Variants in CALM3 observed in about 807,000 individuals in gnomAD.
CALM3 encodes calmodulin 3, also known as calmodulin-3.
A neutral mutation model predicts 20.1 loss-of-function variants in CALM3; 5 were observed. The observed-to-expected ratio is 0.25, with a 90% confidence interval of 0.13 to 0.52. The LOEUF (loss-of-function observed/expected upper bound fraction) is 0.52. Among genes scored for constraint, CALM3 ranks in the 20% least tolerant of loss-of-function variants. CALM3 has a pLI of 0.96. For synonymous variants in CALM3, 69 were observed against 68.1 expected (o/e 1.01, Z -0.06); for missense variants, 57 against 192.8 (o/e 0.30, Z 4.17).
intron 1 of CALM3, among the ~76,000 whole-genome samples, chr19:46,602,386 G>T (rs1003175970): frequency 2.0e-5 from 3 of 150,848 alleles, no homozygotes; most frequent in Admixed American, 2.0e-4. Flanking sequence ...GATTTCCAAG[G>T]TGAGGGGTGG....
Position 46,610,482 on chromosome 19 carries a change from C to A in CALM3, c.*1329C>A. 1 of 143,560 alleles carries A rather than the reference C, an allele frequency of 7.0e-6. No homozygotes were observed. The highest frequency in any genetic ancestry group is 2.2e-4 in the East Asian group (1 of 4,526). 8.9% of individuals were successfully genotyped at this position (143,560 alleles called of 1,614,324 possible). On this transcript the variant is annotated 3_prime_UTR_variant, in exon 6 of 6. Transcript: ENST00000291295. ...TCCCCCCACCACCTCCCCACCCCAC[C>A]CCCCACCCCCTGCTTCCCCTCACTG...
At chr19:46,602,863 C>T (rs1971661349) in intron 1 of CALM3, among the ~76,000 whole-genome samples, 1 of 152,158 alleles carries the variant, frequency 6.6e-6, no homozygotes, top group South Asian at 2.1e-4. Context: ...TCACTTGTGC[C>T]AAATGACAGT....
In CALM3 at chr19:46,608,050, T is replaced by C. The variant is rs1220455194; in HGVS notation, c.35-147T>C. On this transcript the variant is annotated intron_variant, in intron 2 of 5. Coordinates refer to ENST00000291295, the MANE Select transcript of CALM3 (RefSeq NM_005184.4). This position sits in a 1 kb window ranked among gnomAD's most constrained non-coding sequence, Gnocchi z 5.5. ...GCCCTGAGCACTGAGGAGAGAGAGC[T>C]GGTTGCGTGGGACTTGAAGTCTGTC... The C allele has an allele frequency of 4.3e-6, 3 of 701,464 alleles. No homozygotes were observed. Among genetic ancestry groups the C allele is most frequent in the Non-Finnish European group, 7.3e-6 (3 of 412,148 alleles). 43.5% of individuals were successfully genotyped at this position (701,464 alleles called of 1,614,324 possible). A position where few individuals can be genotyped will look rare whatever the true frequency, so the allele number is the denominator to read the frequency against.
rs991763156 is a variant in CALM3 at position 46,601,408 on chromosome 19, C to T, written c.-27C>T. The T allele has an allele frequency of 9.3e-6, 14 of 1,507,866 alleles. No individual in the cohort carries two copies. In the African/African-American group the frequency reaches 1.4e-4, roughly 16 times the overall value. The allele number at this position is 1,507,866 out of a possible 1,614,324, so 93.4% of individuals were successfully genotyped here. On this transcript the variant is annotated 5_prime_UTR_variant, in exon 1 of 6. Transcript: ENST00000291295. This position sits in a 1 kb window ranked among gnomAD's most constrained non-coding sequence, Gnocchi z 4.2. ...CCGCCGCCGGAGGAACCTTGATCCC[C>T]GTGCTCCGGACACCCCGGGCCTCGC... is the stretch of plus-strand genomic sequence containing the variant.
upstream of CALM3, chr19:46,601,295 G>GGGAGGCGGC (rs1971607202): frequency 4.2e-6 from 3 of 708,434 alleles, no homozygotes; most frequent in Admixed American, 5.1e-5. The surrounding 1 kb of genome is among the most constrained non-coding windows in gnomAD (Gnocchi z 4.2). Flanking sequence ...CCGTTGGGGC[G>GGGAGGCGGC]GGAGGCGGCG....
intron 1 of CALM3, chr19:46,602,754 C>T (rs1409869835): frequency 1.8e-5 from 3 of 166,298 alleles, no homozygotes; most frequent in Non-Finnish European, 4.0e-5. Flanking sequence ...AGAAGCCTCA[C>T]TCTGTCGCTG....
At position 46,609,298 on chromosome 19, in the gene CALM3, T is replaced by C; in HGVS notation, c.*145T>C. 1 of 759,316 alleles carries C rather than the reference T, an allele frequency of 1.3e-6. No individual in the cohort carries two copies. The highest frequency in any genetic ancestry group is 1.6e-5 in the South Asian group (1 of 61,290). The allele number at this position is 759,316 out of a possible 1,614,324, so 47.0% of individuals were successfully genotyped here. A position where few individuals can be genotyped will look rare whatever the true frequency, so the allele number is the denominator to read the frequency against. ...GAATCTGATAAAGCAACAAAAGATT[T>C]GTCCCAAGCTGCATGATTGCTCTTT... On this transcript the variant is annotated 3_prime_UTR_variant, in exon 6 of 6. Coordinates refer to ENST00000291295, the MANE Select transcript of CALM3 (RefSeq NM_005184.4).
intron 1 of CALM3, among the ~76,000 whole-genome samples, chr19:46,602,424 A>G (rs1971645925): frequency 8.5e-6 from 1 of 117,168 alleles, no homozygotes; most frequent in African/African-American, 3.4e-5. Flanking sequence ...GGTGGTTGGG[A>G]GGTGAGGTGG....
chr19:46,602,014 A>G lies in CALM3; in HGVS notation c.3+577A>G, dbSNP rs1971630335. On this transcript the variant is annotated intron_variant, in intron 1 of 5. Coordinates refer to ENST00000291295, the MANE Select transcript of CALM3 (RefSeq NM_005184.4). ...GGGTCAAGGATGGGCGGTCACTTCT[A>G]CAGATGAGACTCCCGAGGGTGGGGG... 6.9e-6 allele frequency: 7 copies of G among 1,009,690 alleles called. No homozygotes were observed. The South Asian group carries it at 1.0e-4, about 15-fold the overall frequency. 62.5% of individuals were successfully genotyped at this position (1,009,690 alleles called of 1,614,324 possible). A position where few individuals can be genotyped will look rare whatever the true frequency, so the allele number is the denominator to read the frequency against.
At chr19:46,604,209 G>C (rs1346921720) in intron 1 of CALM3, among the ~76,000 whole-genome samples, 1 of 152,058 alleles carries the variant, frequency 6.6e-6, no homozygotes, top group Admixed American at 6.6e-5. Flanking sequence ...CTTTCCCTAA[G>C]CCTCTTCCTC....
Position 46,601,413 on chromosome 19 carries a change from T to G in CALM3, c.-22T>G. ...GCCGGAGGAACCTTGATCCCCGTGC[T>G]CCGGACACCCCGGGCCTCGCCATGG... On this transcript the variant is annotated 5_prime_UTR_variant, in exon 1 of 6. Transcript: ENST00000291295. The surrounding 1 kb of genome is among the most constrained non-coding windows in gnomAD (Gnocchi z 4.2). The G allele has an allele frequency of 3.3e-6, 5 of 1,508,396 alleles. No homozygotes were observed. The highest frequency in any genetic ancestry group is 3.5e-6 in the Non-Finnish European group (4 of 1,130,964). 93.4% of individuals were successfully genotyped at this position (1,508,396 alleles called of 1,614,324 possible). A position where few individuals can be genotyped will look rare whatever the true frequency, so the allele number is the denominator to read the frequency against.
intron 1 of CALM3, among the ~76,000 whole-genome samples, chr19:46,604,920 T>C (rs1374760818): frequency 6.7e-6 from 1 of 150,322 alleles, no homozygotes; most frequent in Non-Finnish European, 1.5e-5. Flanking sequence ...ATAGGATCAC[T>C]ATGCCTGGCT....
At chr19:46,603,327 G>A (rs149988952) in intron 1 of CALM3, among the ~76,000 whole-genome samples, 10 of 152,370 alleles carry the variant, frequency 6.6e-5, no homozygotes, top group Admixed American at 1.3e-4. Context: ...GCCACAACTA[G>A]TTTCTCTTTC....
Position 46,607,417 on chromosome 19 carries a change from G to T in CALM3, c.35-780G>T, listed in dbSNP as rs541984490. Among the ~76,000 whole-genome samples the T allele has an allele frequency of 3.5e-3, 537 of 152,308 alleles. 7 individuals are homozygous for T. Among genetic ancestry groups the T allele is most frequent in the African/African-American group, 0.012 (513 of 41,576 alleles). On this transcript the variant is annotated intron_variant, in intron 2 of 5. Coordinates refer to ENST00000291295, the MANE Select transcript of CALM3 (RefSeq NM_005184.4). ...CGGACATCTGTTTTTGGAGGGCTTG[G>T]GGGTAGAGGAGCACCAGGTGCCAAA...
Position 46,601,385 on chromosome 19 carries a change from G to T in CALM3, c.-50G>T. Reference sequence around the variant, plus strand: ...AGCTGGAACTGCTGCAGCTGCTGCCGCCGCCGGAGGAACCTTGATCCCCGT... The same window carrying T: ...AGCTGGAACTGCTGCAGCTGCTGCCTCCGCCGGAGGAACCTTGATCCCCGT... On this transcript the variant is annotated 5_prime_UTR_variant, in exon 1 of 6. Transcript: ENST00000291295. This position sits in a 1 kb window ranked among gnomAD's most constrained non-coding sequence, Gnocchi z 4.2. The T allele has an allele frequency of 6.8e-7, 1 of 1,473,064 alleles. No homozygotes were observed. Among genetic ancestry groups the T allele is most frequent in the Non-Finnish European group, 9.0e-7 (1 of 1,111,100 alleles). The allele number at this position is 1,473,064 out of a possible 1,614,324, so 91.2% of individuals were successfully genotyped here.
At position 46,605,991 on chromosome 19, in the gene CALM3, T is replaced by A; in HGVS notation, c.34+134T>A. 1.3e-6 allele frequency: 1 copy of A among 781,150 alleles called. No individual in the cohort carries two copies. Among genetic ancestry groups the A allele is most frequent in the Non-Finnish European group, 2.2e-6 (1 of 457,418 alleles). The allele number at this position is 781,150 out of a possible 1,614,324, so 48.4% of individuals were successfully genotyped here. A position where few individuals can be genotyped will look rare whatever the true frequency, so the allele number is the denominator to read the frequency against. On this transcript the variant is annotated intron_variant, in intron 2 of 5. Transcript: ENST00000291295. This position sits in a 1 kb window ranked among gnomAD's most constrained non-coding sequence, Gnocchi z 4.1. Reference sequence around the variant, plus strand: ...GTCACCTAACACTATGCCTTGTGCCTAGAATGCTGATAAATGTGTGTAAGA... The same window carrying A: ...GTCACCTAACACTATGCCTTGTGCCAAGAATGCTGATAAATGTGTGTAAGA...
At position 46,601,521 on chromosome 19, in the gene CALM3, C is replaced by G; in HGVS notation, c.3+84C>G. ...GGACCCCTGAGGGGGCGACAGAGCC[C>G]AGAGTGGGGGGCGTCCGGGCCCGGC... On this transcript the variant is annotated intron_variant, in intron 1 of 5. Transcript: ENST00000291295. The surrounding 1 kb of genome is among the most constrained non-coding windows in gnomAD (Gnocchi z 4.2). The G allele has an allele frequency of 2.4e-6, 3 of 1,263,942 alleles. No individual in the cohort carries two copies. Among genetic ancestry groups the G allele is most frequent in the Non-Finnish European group, 3.1e-6 (3 of 979,398 alleles). 78.3% of individuals were successfully genotyped at this position (1,263,942 alleles called of 1,614,324 possible).
chr19:46,605,657 C>T lies in CALM3; in HGVS notation c.4-170C>T, dbSNP rs1402595068. ...AGCTTTCTGAATCACCAGACTTTAT[C>T]ATCAGGCGCTGGCTCTGCCTCAGAC... On this transcript the variant is annotated intron_variant, in intron 1 of 5. Transcript: ENST00000291295. The surrounding 1 kb of genome is among the most constrained non-coding windows in gnomAD (Gnocchi z 4.1). Among the ~76,000 whole-genome samples, 1 of 152,250 alleles carries T rather than the reference C, an allele frequency of 6.6e-6. No homozygotes were observed. Among genetic ancestry groups the T allele is most frequent in the East Asian group, 1.9e-4 (1 of 5,204 alleles).
chr19:46,603,816 G>A (rs968387589), intron 1 of CALM3, among the ~76,000 whole-genome samples: 14 of 152,268 alleles, frequency 9.2e-5, no homozygotes, highest in East Asian at 7.7e-4. Context: ...GCAGAGCCAC[G>A]CCTATTTGCA....
Sources: gnomAD v4.1 joint callset for allele counts (sites outside exome capture counted in the v4.1 genomes callset) on GRCh38, gnomAD v4.1.1 for gene constraint, Gnocchi (gnomAD v3.1) non-coding constraint, MANE v1.5 for transcripts, NCBI Gene and HGNC (gene_info 2026-07-23, HGNC 2026-07-21) for gene names.